KLHL29: variants seen among roughly 807,000 people sequenced by gnomAD.
KLHL29 encodes the protein kelch like family member 29.
KLHL29 carries 21 observed loss-of-function variants against 80.4 expected under a neutral mutation model. The ratio of observed to expected loss-of-function variants is 0.26; its 90% CI spans 0.19 to 0.38. The LOEUF is 0.38. Among genes scored for constraint, KLHL29 ranks in the 10% least tolerant of loss-of-function variants. KLHL29 has a pLI of 1.00. For missense variants in KLHL29, 867 were observed against 1,223.9 expected, an observed-to-expected ratio of 0.71 and a Z score of 4.35; for synonymous variants, 511 against 526.8, an observed-to-expected ratio of 0.97 and a Z score of 0.41.
chr2:23,560,949 C>T (rs1667430707), intron 2 of KLHL29, among the ~76,000 whole-genome samples: 1 of 152,232 alleles, frequency 6.6e-6, no homozygotes, highest in Non-Finnish European at 1.5e-5. Context: ...CCAACAATTC[C>T]AGGGTGCCTC....
intron 2 of KLHL29, among the ~76,000 whole-genome samples, chr2:23,484,911 C>G (rs1297247188): frequency 6.6e-6 from 1 of 152,134 alleles, no homozygotes; most frequent in African/African-American, 2.4e-5. Flanking sequence ...AGCAAGTCTT[C>G]CAGAAGCGCC....
intron 3 of KLHL29, among the ~76,000 whole-genome samples, chr2:23,570,999 G>A (rs1250686350): frequency 2.0e-5 from 3 of 152,138 alleles, no homozygotes; most frequent in African/African-American, 4.8e-5. Context: ...TCCAGCATTC[G>A]GGCCAGCCCT....
At chr2:23,600,118 C>T in intron 3 of KLHL29, among the ~76,000 whole-genome samples, 1 of 152,168 alleles carries the variant, frequency 6.6e-6, no homozygotes, top group Non-Finnish European at 1.5e-5. Context: ...AGGTTGGTGA[C>T]ACTGCAGTAA....
intron 5 of KLHL29, chr2:23,643,260 C>T (rs1269665138): frequency 5.4e-6 from 2 of 370,808 alleles, no homozygotes; most frequent in African/African-American, 2.1e-5. Flanking sequence ...ACATTCCATC[C>T]ATGAGGACAT....
intron 1 of KLHL29, among the ~76,000 whole-genome samples, chr2:23,414,028 TGTGC>T (rs879368081): frequency 6.6e-6 from 1 of 152,244 alleles, no homozygotes; most frequent in Non-Finnish European, 1.5e-5. Flanking sequence ...CCCTCCTAGC[TGTGC>T]TGTTCCCCAG....
chr2:23,541,772 C>CA (rs545375731), intron 2 of KLHL29, among the ~76,000 whole-genome samples: 4,691 of 137,372 alleles, frequency 0.034, 98 homozygotes, highest in Middle Eastern at 0.089. Context: ...ACCCAAAAAA[C>CA]AAAAAAAAAA....
Position 23,706,583 on chromosome 2 carries a change from A to T in KLHL29, c.2547A>T (p.Thr849=), listed in dbSNP as rs1298238235. 2 of 1,537,150 alleles carry T rather than the reference A, an allele frequency of 1.3e-6. No homozygotes were observed. The highest frequency in any genetic ancestry group is 2.0e-5 in the Admixed American group (1 of 50,978). The part of the protein sequence containing the change: ...NMEAYEPTTN[T]WTLLPHMPCP... The stretch of plus-strand genomic sequence containing the variant: ...AGGCCTACGAGCCCACAACCAACAC[A>T]TGGACCCTCCTCCCCCACATGCCCT... Residue 849 remains threonine, a synonymous_variant, in exon 14 of 14, where the codon ACA becomes ACT. Transcript: ENST00000486442.
chr2:23,605,140 T>C (rs1457843681), intron 3 of KLHL29, among the ~76,000 whole-genome samples: 1 of 112,634 alleles, frequency 8.9e-6, no homozygotes, highest in Non-Finnish European at 1.7e-5. Context: ...GGAGACAGGG[T>C]TCACCCTGTC....
At chr2:23,392,221 G>T (rs1666337688) in intron 1 of KLHL29, among the ~76,000 whole-genome samples, 1 of 152,228 alleles carries the variant, frequency 6.6e-6, no homozygotes, top group South Asian at 2.1e-4. Context: ...AGAGATCTCA[G>T]AAACTGTAGA....
At chr2:23,645,959 A>G (rs1355234373) in intron 5 of KLHL29, among the ~76,000 whole-genome samples, 1 of 152,242 alleles carries the variant, frequency 6.6e-6, no homozygotes, top group African/African-American at 2.4e-5. Flanking sequence ...ATTTAAATGC[A>G]TTGAGCACAT....
chr2:23,476,620 T>C (rs1392145910), intron 2 of KLHL29, among the ~76,000 whole-genome samples: 1 of 152,232 alleles, frequency 6.6e-6, no homozygotes, highest in Non-Finnish European at 1.5e-5. Flanking sequence ...ATAGCATACA[T>C]GATTCACTTA....
intron 1 of KLHL29, among the ~76,000 whole-genome samples, chr2:23,448,836 C>T (rs1663783270): frequency 6.6e-6 from 1 of 152,162 alleles, no homozygotes; most frequent in Admixed American, 6.5e-5. Flanking sequence ...CGTATGGCCT[C>T]CACCTCATTT....
chr2:23,630,067 T>G (rs899977699), intron 3 of KLHL29, among the ~76,000 whole-genome samples: 1 of 152,188 alleles, frequency 6.6e-6, no homozygotes, highest in African/African-American at 2.4e-5. Context: ...AAAGAGGACG[T>G]GAAATGCTCC....
At chr2:23,597,303 A>ATGTGTGTG (rs1178808276) in intron 3 of KLHL29, among the ~76,000 whole-genome samples, 147 of 82,208 alleles carry the variant, frequency 1.8e-3, no homozygotes, top group Admixed American at 3.2e-3. Context: ...TCTCATATAT[A>ATGTGTGTG]TATATATGTG....
chr2:23,705,424 G>A (rs1459745223), intron 13 of KLHL29, among the ~76,000 whole-genome samples: 6 of 152,176 alleles, frequency 3.9e-5, no homozygotes, highest in South Asian at 2.1e-4. Context: ...CCTGGGAGGC[G>A]GAGGTTGCAG....
intron 1 of KLHL29, among the ~76,000 whole-genome samples, chr2:23,388,979 C>CTTTCTT (rs1666249954): frequency 8.4e-6 from 1 of 118,872 alleles, no homozygotes; most frequent in African/African-American, 3.8e-5. Flanking sequence ...TTTTTTCTTT[C>CTTTCTT]TTTCTTCTTC....
At chr2:23,590,718 C>G (rs116674930) in intron 3 of KLHL29, among the ~76,000 whole-genome samples, 5,045 of 152,246 alleles carry the variant, frequency 0.033, 107 homozygotes, top group Middle Eastern at 0.068. Context: ...AGCTCCCCTT[C>G]TGGAACCCAA....
intron 1 of KLHL29, among the ~76,000 whole-genome samples, chr2:23,441,485 T>G (rs967012540): frequency 8.9e-4 from 112 of 125,490 alleles, no homozygotes; most frequent in African/African-American, 3.2e-3. Context: ...ATAATAAGAA[T>G]AATAATAATA....
At chr2:23,406,867 A>T (rs1666750681) in intron 1 of KLHL29, among the ~76,000 whole-genome samples, 1 of 152,264 alleles carries the variant, frequency 6.6e-6, no homozygotes, top group Non-Finnish European at 1.5e-5. Context: ...CAATTATAAA[A>T]GTAATGTTCT....
Sources: allele counts gnomAD v4.1 joint callset (sites outside exome capture counted in the v4.1 genomes callset), GRCh38; gene constraint gnomAD v4.1.1; transcripts MANE v1.5; gene names NCBI Gene and HGNC (gene_info 2026-07-23, HGNC 2026-07-21).